Variants in CYRIA observed in about 807,000 individuals in gnomAD.
CYRIA encodes the protein CYFIP-related Rac1 interactor A.
In CYRIA, 15 loss-of-function variants were observed where a neutral mutation model predicts 43.9. The observed-to-expected ratio is 0.34, with a 90% CI of 0.23 to 0.53. The LOEUF (loss-of-function observed/expected upper bound fraction) is 0.53, where lower values mean the gene tolerates loss of function less well. CYRIA is among the 20% of genes least tolerant of loss of function. The pLI is 0.94. For missense variants in CYRIA, 236 were observed against 394.2 expected, an observed-to-expected ratio of 0.60 and a Z score of 3.40; for synonymous variants, 117 against 136.0, an observed-to-expected ratio of 0.86 and a Z score of 0.97.
rs186298453 is a variant in CYRIA at position 16,615,836 on chromosome 2, C to T, written c.-11+8028G>A. Among the ~76,000 whole-genome samples, 12 of 152,352 alleles carry T rather than the reference C, an allele frequency of 7.9e-5. No homozygotes were observed. In the South Asian group the frequency reaches 1.7e-3, roughly 21 times the overall value. ...GACGAGGCAGCTGGCCTTTCTGAAC[C>T]GATACCAGCAGCTCTACCACTGGGA... is the stretch of plus-strand genomic sequence containing the variant. On this transcript the variant is annotated intron_variant, in intron 2 of 11. Coordinates refer to ENST00000381323, the MANE Select transcript of CYRIA (RefSeq NM_030797.4).
At chr2:16,558,171 A>G (rs930160421) in intron 10 of CYRIA, among the ~76,000 whole-genome samples, 9 of 151,878 alleles carry the variant, frequency 5.9e-5, no homozygotes, top group African/African-American at 1.2e-4. Flanking sequence ...ATTACAGGAT[A>G]TATTTAATTT....
rs546936438 is a variant in CYRIA at position 16,599,818 on chromosome 2, G to A, written c.-10-11689C>T. 3.9e-5 allele frequency among the ~76,000 whole-genome samples: 6 copies of A among 152,156 alleles called. No homozygotes were observed. In the East Asian group the frequency reaches 5.8e-4, roughly 15 times the overall value. On this transcript the variant is annotated intron_variant, in intron 2 of 11. Transcript: ENST00000381323. ...GTTGCCCAGGCTGGAGTGCAGTAGC[G>A]CAATCTCAGCTCACTGCAACCTCTG...
Position 16,552,916 on chromosome 2 carries a change from C to A in CYRIA, c.*20G>T, listed in dbSNP as rs1666364212. On this transcript the variant is annotated 3_prime_UTR_variant, in exon 12 of 12. Transcript: ENST00000381323. ...CATCTTCTGAGGTCAGCACATAGAT[C>A]CTCTTCTTTGAGCAGAGCTCTACTG... 3.3e-6 allele frequency: 5 copies of A among 1,511,358 alleles called. No homozygotes were observed. In the South Asian group the frequency reaches 4.5e-5, roughly 14 times the overall value. The allele number at this position is 1,511,358 out of a possible 1,614,324, so 93.6% of individuals were successfully genotyped here. A position where few individuals can be genotyped will look rare whatever the true frequency, so the allele number is the denominator to read the frequency against.
chr2:16,663,139 G>T (rs975210043), intron 1 of CYRIA, among the ~76,000 whole-genome samples: 6 of 152,204 alleles, frequency 3.9e-5, no homozygotes, highest in Non-Finnish European at 7.3e-5. Flanking sequence ...CTTTAAGATT[G>T]AGATCTCCCA....
intron 1 of CYRIA, among the ~76,000 whole-genome samples, chr2:16,629,993 T>C (rs551225495): frequency 1.6e-4 from 24 of 152,104 alleles, no homozygotes; most frequent in African/African-American, 5.1e-4. Flanking sequence ...TAACTGGGAG[T>C]GGCCGTGGCT....
intron 1 of CYRIA, among the ~76,000 whole-genome samples, chr2:16,630,130 T>C (rs906050045): frequency 2.0e-5 from 3 of 152,236 alleles, no homozygotes; most frequent in Non-Finnish European, 2.9e-5. Context: ...CTGGATGTTC[T>C]ACCAGCCCTC....
intron 1 of CYRIA, among the ~76,000 whole-genome samples, chr2:16,626,703 C>T (rs1021881389): frequency 6.6e-6 from 1 of 152,192 alleles, no homozygotes; most frequent in African/African-American, 2.4e-5. Flanking sequence ...GGGAAAGAAA[C>T]TGAAAACTCT....
At chr2:16,660,202 C>T (rs767203836) in intron 1 of CYRIA, among the ~76,000 whole-genome samples, 16 of 152,300 alleles carry the variant, frequency 1.1e-4, no homozygotes, top group African/African-American at 1.7e-4. Flanking sequence ...TGGAAAGGCA[C>T]TTTCAAGTCA....
At chr2:16,559,645 G>A in intron 9 of CYRIA, 59 bp from the exon 10 acceptor site, 1 of 1,579,324 alleles carries the variant, frequency 6.3e-7, no homozygotes, top group Admixed American at 1.7e-5. Context: ...GCGTTCTTTG[G>A]CCCCACAACT....
chr2:16,614,807 C>T (rs1249916546), intron 2 of CYRIA, among the ~76,000 whole-genome samples: 1 of 152,240 alleles, frequency 6.6e-6, no homozygotes, highest in Non-Finnish European at 1.5e-5. Context: ...TGCCACATCC[C>T]TCTCCACAGC....
intron 3 of CYRIA, among the ~76,000 whole-genome samples, chr2:16,566,996 G>A (rs1666957344): frequency 6.6e-6 from 1 of 152,100 alleles, no homozygotes; most frequent in African/African-American, 2.4e-5. Context: ...GGTGAAGGCC[G>A]AGTTTACACC....
chr2:16,619,736 C>T (rs552411549), intron 2 of CYRIA, among the ~76,000 whole-genome samples: 4 of 152,282 alleles, frequency 2.6e-5, no homozygotes, highest in South Asian at 4.1e-4. Context: ...GAGGAGGTGG[C>T]TACTAATGGA....
At chr2:16,586,939 G>A (rs993318146) in intron 3 of CYRIA, among the ~76,000 whole-genome samples, 7 of 152,030 alleles carry the variant, frequency 4.6e-5, no homozygotes, top group Non-Finnish European at 8.8e-5. Flanking sequence ...AGAAACATGA[G>A]CTTAGTTTGA....
intron 10 of CYRIA, among the ~76,000 whole-genome samples, chr2:16,556,477 T>C (rs1666527876): frequency 6.6e-6 from 1 of 152,146 alleles, no homozygotes; most frequent in Non-Finnish European, 1.5e-5. Flanking sequence ...ACAATGCAGA[T>C]GTGGAAGGGG....
intron 2 of CYRIA, among the ~76,000 whole-genome samples, chr2:16,609,367 A>G (rs750341223): frequency 3.3e-5 from 5 of 152,218 alleles, no homozygotes; most frequent in Non-Finnish European, 7.3e-5. Flanking sequence ...GAAAAGTCTG[A>G]CATTAAATAT....
intron 1 of CYRIA, among the ~76,000 whole-genome samples, chr2:16,630,004 C>T (rs1669282455): frequency 1.3e-5 from 2 of 152,156 alleles, no homozygotes; most frequent in Admixed American, 1.3e-4. Context: ...GGCCGTGGCT[C>T]AGGCAGTCCT....
chr2:16,602,529 C>T (rs940084837), intron 2 of CYRIA, among the ~76,000 whole-genome samples: 7 of 152,110 alleles, frequency 4.6e-5, no homozygotes, highest in East Asian at 1.9e-4. Flanking sequence ...ACCCATTTTA[C>T]GGGTATAAGA....
chr2:16,604,407 A>T (rs1668314854), intron 2 of CYRIA, among the ~76,000 whole-genome samples: 1 of 152,216 alleles, frequency 6.6e-6, no homozygotes, highest in South Asian at 2.1e-4. Context: ...GGCTCCTCCC[A>T]GCCATCGTCT....
chr2:16,591,927 A>G (rs1439527660), intron 2 of CYRIA, among the ~76,000 whole-genome samples: 1 of 152,116 alleles, frequency 6.6e-6, no homozygotes, highest in Non-Finnish European at 1.5e-5. Context: ...CTCCCTTGGC[A>G]TCTTCAGAAA....
Sources: allele counts gnomAD v4.1 joint callset (sites outside exome capture counted in the v4.1 genomes callset), GRCh38; gene constraint gnomAD v4.1.1; transcripts MANE v1.5; gene names NCBI Gene and HGNC (gene_info 2026-07-23, HGNC 2026-07-21).